The following OSBPL9 variants were observed in gnomAD, a reference collection of about 807,000 sequenced individuals.
OSBPL9 encodes the protein oxysterol-binding protein-related protein 9.
In OSBPL9, 40 loss-of-function variants were observed where a neutral mutation model predicts 106.6. The observed-to-expected ratio is 0.38, with a 90% CI of 0.29 to 0.49. The LOEUF is 0.49. Ranked by LOEUF, OSBPL9 falls within the 20% of genes least tolerant of loss-of-function variation. OSBPL9 has a pLI of 0.97. For synonymous variants in OSBPL9, 269 were observed against 295.4 expected, an observed-to-expected ratio of 0.91 and a Z score of 0.92; for missense variants, 609 against 887.2, an observed-to-expected ratio of 0.69 and a Z score of 3.98.
intron 21 of OSBPL9, chr1:51,786,231 G>T (rs1677593565): frequency 2.2e-6 from 1 of 444,970 alleles, no homozygotes; most frequent in Non-Finnish European, 4.0e-6. Flanking sequence ...GCACTAAACT[G>T]TGTGTTTCCA....
intron 2 of OSBPL9, among the ~76,000 whole-genome samples, chr1:51,602,884 G>C (rs1180851664): frequency 6.6e-6 from 1 of 152,206 alleles, no homozygotes; most frequent in Non-Finnish European, 1.5e-5. Context: ...GGGCTGGGGT[G>C]GTGGCTCACA....
chr1:51,600,494 G>T (rs1570538680), intron 2 of OSBPL9, among the ~76,000 whole-genome samples: 1 of 151,896 alleles, frequency 6.6e-6, no homozygotes. Context: ...AAACAGGCTG[G>T]ATTCATTATT....
At chr1:51,750,676 G>A (rs1669048381) in intron 8 of OSBPL9, among the ~76,000 whole-genome samples, 1 of 152,012 alleles carries the variant, frequency 6.6e-6, no homozygotes, top group South Asian at 2.1e-4. Context: ...ATTATTGTGG[G>A]TTAAAAATTT....
chr1:51,568,808 C>A, the OSBPL9 span, among the ~76,000 whole-genome samples: 28 of 152,342 alleles, frequency 1.8e-4, no homozygotes, highest in Middle Eastern at 3.4e-3. Flanking sequence ...CGGCTCACTA[C>A]AACCTCCATC....
At chr1:51,525,941 A>G in the OSBPL9 span, among the ~76,000 whole-genome samples, 8 of 152,002 alleles carry the variant, frequency 5.3e-5, no homozygotes, top group African/African-American at 1.4e-4. Context: ...CAGTGGTCCA[A>G]TTTCAGCTCA....
chr1:51,568,162 G>T, the OSBPL9 span, among the ~76,000 whole-genome samples: 1 of 152,218 alleles, frequency 6.6e-6, no homozygotes, highest in Non-Finnish European at 1.5e-5. Context: ...GAAAAGACAG[G>T]CAAGAGAGAA....
At position 51,761,843 on chromosome 1, in the gene OSBPL9, ATTTT is replaced by A; in HGVS notation, c.674-23_674-20del. On this transcript the variant is annotated intron_variant, in intron 10 of 23. Coordinates refer to ENST00000428468, the MANE Select transcript of OSBPL9 (RefSeq NM_024586.6). ...GTGTGTTTGGCTGTTTCTGTACCTT[ATTTT>A]ATACGTTCAAATCTCCTAGAACCTG... 6.5e-7 allele frequency: 1 copy of A among 1,545,390 alleles called. No individual in the cohort carries two copies. Among genetic ancestry groups the A allele is most frequent in the Non-Finnish European group, 8.9e-7 (1 of 1,118,094 alleles).
the OSBPL9 span, chr1:51,561,748 G>GC: frequency 6.6e-6 from 1 of 152,126 alleles, no homozygotes; most frequent in Non-Finnish European, 1.5e-5. Flanking sequence ...GACTATGACT[G>GC]CCCCCATTTA....
At chr1:51,610,503 C>G (rs1372356645) in intron 2 of OSBPL9, among the ~76,000 whole-genome samples, 1 of 152,162 alleles carries the variant, frequency 6.6e-6, no homozygotes, top group Non-Finnish European at 1.5e-5. Context: ...TAATTCAGAT[C>G]ATCTTCACAA....
the OSBPL9 span, chr1:51,519,136 C>G: frequency 1.6e-6 from 2 of 1,213,888 alleles, no homozygotes; most frequent in South Asian, 3.3e-5. Flanking sequence ...GTCGGCGAAG[C>G]TGAGGGCGGT....
the OSBPL9 span, chr1:51,567,216 C>T: frequency 6.6e-6 from 1 of 152,228 alleles, no homozygotes; most frequent in Non-Finnish European, 1.5e-5. Context: ...TAGGGGTCCT[C>T]TTCTGTGCTC....
At chr1:51,617,371 G>A in intron 1 of OSBPL9, 150 bp downstream of exon 1, 1 of 757,618 alleles carries the variant, frequency 1.3e-6, no homozygotes, top group Non-Finnish European at 2.1e-6. Flanking sequence ...AGGGTTTTAC[G>A]TCTCGGATAG....
At position 51,745,764 on chromosome 1, in the gene OSBPL9, T is replaced by TA. The variant is rs1210079944; in HGVS notation, c.414+137dup. 8.1e-6 allele frequency: 9 copies of TA among 1,110,760 alleles called. No individual in the cohort carries two copies. The Admixed American group carries it at 1.8e-4, about 22-fold the overall frequency. The allele number at this position is 1,110,760 out of a possible 1,614,324, so 68.8% of individuals were successfully genotyped here. On this transcript the variant is annotated intron_variant, in intron 5 of 23. Transcript: ENST00000428468. ...TCTTCAGCAGTTTTTAAAGCAGACTTAAAAGATCTAGCTGACTTATTCAAA... is the reference window on the plus strand; with the variant it reads ...TCTTCAGCAGTTTTTAAAGCAGACTTAAAAAGATCTAGCTGACTTATTCAAA...
chr1:51,532,243 A>G, the OSBPL9 span, among the ~76,000 whole-genome samples: 2 of 152,218 alleles, frequency 1.3e-5, no homozygotes, highest in African/African-American at 4.8e-5. Flanking sequence ...GTGAATACCT[A>G]GTAAGGGATA....
chr1:51,752,238 T>G (rs1669402105), intron 8 of OSBPL9, among the ~76,000 whole-genome samples: 2 of 141,432 alleles, frequency 1.4e-5, no homozygotes, highest in South Asian at 2.4e-4. Context: ...GCTTCCCCCC[T>G]CCACCCCCGC....
At chr1:51,719,289 T>A (rs1022322134) in intron 4 of OSBPL9, among the ~76,000 whole-genome samples, 3 of 152,204 alleles carry the variant, frequency 2.0e-5, no homozygotes, top group African/African-American at 7.2e-5. Context: ...CAGCTTATGG[T>A]ATCTTTTCAT....
intron 14 of OSBPL9, 58 bp from the exon 15 acceptor site, chr1:51,776,772 TTTA>T: frequency 1.1e-5 from 12 of 1,114,094 alleles, no homozygotes; most frequent in Non-Finnish European, 1.5e-5. Flanking sequence ...TTTTTTTTTT[TTTA>T]GTCTGTTTAT....
intron 3 of OSBPL9, among the ~76,000 whole-genome samples, chr1:51,685,337 C>T (rs1369766887): frequency 6.6e-6 from 1 of 152,128 alleles, no homozygotes; most frequent in Non-Finnish European, 1.5e-5. Flanking sequence ...AGACTGCACT[C>T]ACTCACCCTT....
intron 4 of OSBPL9, among the ~76,000 whole-genome samples, chr1:51,720,959 G>T (rs1321577542): frequency 2.0e-5 from 3 of 151,688 alleles, no homozygotes; most frequent in Non-Finnish European, 2.9e-5. Flanking sequence ...CACCACACCT[G>T]GCTAGTTTTT....
Sources: gnomAD v4.1 joint callset for allele counts (sites outside exome capture counted in the v4.1 genomes callset) on GRCh38, gnomAD v4.1.1 for gene constraint, MANE v1.5 for transcripts, NCBI Gene and HGNC (gene_info 2026-07-23, HGNC 2026-07-21) for gene names.